LMBRD2: variants seen among roughly 807,000 people sequenced by gnomAD.
LMBRD2 encodes LMBR1 domain containing 2, also known as G protein-coupled receptor-associated protein LMBRD2.
In LMBRD2, 55 loss-of-function variants were observed where a neutral mutation model predicts 94.4. The ratio of observed to expected loss-of-function variants is 0.58; its 90% CI spans 0.47 to 0.73. The LOEUF (loss-of-function observed/expected upper bound fraction) is 0.73, where lower values mean the gene tolerates loss of function less well. Among genes scored for constraint, LMBRD2 ranks in the 30% least tolerant of loss-of-function variants. The pLI, the probability that LMBRD2 is intolerant of heterozygous loss-of-function variation, is 0.00. For synonymous variants in LMBRD2, 246 were observed against 272.4 expected, an observed-to-expected ratio of 0.90 and a Z score of 0.95; for missense variants, 640 against 831.9, an observed-to-expected ratio of 0.77 and a Z score of 2.84.
rs879761675 is a variant in LMBRD2, at chr5:36,099,432, A to T, written c.*4614T>A. On this transcript the variant is annotated 3_prime_UTR_variant, in exon 18 of 18. Coordinates refer to ENST00000296603, the MANE Select transcript of LMBRD2 (RefSeq NM_001007527.2). ...GTTTTCAAAATATGAACAAAAACAA[A>T]TCCATTGGATTGCTTTTAAAAAATA... 1.3e-5 allele frequency: 2 copies of T among 152,158 alleles called. No individual in the cohort carries two copies. The highest frequency in any genetic ancestry group is 4.8e-5 in the African/African-American group (2 of 41,458). 9.4% of individuals were successfully genotyped at this position (152,158 alleles called of 1,614,324 possible). A position where few individuals can be genotyped will look rare whatever the true frequency, so the allele number is the denominator to read the frequency against.
At position 36,134,825 on chromosome 5, in the gene LMBRD2, C is replaced by T. The variant is rs1392080338; in HGVS notation, c.747+1484G>A. On this transcript the variant is annotated intron_variant, in intron 6 of 17. Transcript: ENST00000296603. ...CAGCAGTCCTAGGAAGCTAATAAAGCTTCCCTGAAGAATTATCATTTATGT... is the reference window on the plus strand; with the variant it reads ...CAGCAGTCCTAGGAAGCTAATAAAGTTTCCCTGAAGAATTATCATTTATGT... Among the ~76,000 whole-genome samples, 3 of 152,120 alleles carry T rather than the reference C, an allele frequency of 2.0e-5. No individual in the cohort carries two copies. In the East Asian group the frequency reaches 5.8e-4, roughly 29 times the overall value.
chr5:36,144,321 T>C (rs1744487704), intron 1 of LMBRD2, among the ~76,000 whole-genome samples: 1 of 152,204 alleles, frequency 6.6e-6, no homozygotes, highest in Admixed American at 6.5e-5. Flanking sequence ...CTTTTGTTTA[T>C]CTACATACTA....
At chr5:36,149,984 T>C (rs1308095377) in intron 1 of LMBRD2, among the ~76,000 whole-genome samples, 2 of 152,200 alleles carry the variant, frequency 1.3e-5, no homozygotes, top group African/African-American at 4.8e-5. Context: ...TATGACCAGA[T>C]AGCAACCTCT....
At chr5:36,116,039 A>G (rs7726459) in intron 11 of LMBRD2, among the ~76,000 whole-genome samples, 1,538 of 152,300 alleles carry the variant, frequency 0.01, 24 homozygotes, top group African/African-American at 0.035. Context: ...ATCTTGCCCA[A>G]CTTGAAGACA....
chr5:36,148,469 T>C (rs1480948936), intron 1 of LMBRD2, among the ~76,000 whole-genome samples: 2 of 152,226 alleles, frequency 1.3e-5, no homozygotes, highest in African/African-American at 2.4e-5. Flanking sequence ...ATTTCATACA[T>C]AGAAATTGCA....
At chr5:36,117,204 A>C (rs555933043) in intron 10 of LMBRD2, among the ~76,000 whole-genome samples, 2 of 152,284 alleles carry the variant, frequency 1.3e-5, no homozygotes, top group East Asian at 3.9e-4. Flanking sequence ...GCATAAATAT[A>C]ATCAAAGTAT....
chr5:36,134,458 G>A (rs1207950329), intron 6 of LMBRD2, among the ~76,000 whole-genome samples: 1 of 152,060 alleles, frequency 6.6e-6, no homozygotes, highest in Admixed American at 6.6e-5. Flanking sequence ...ATCTTATTTG[G>A]AATAGGGTTG....
At position 36,109,983 on chromosome 5, in the gene LMBRD2, T is replaced by C. The variant is rs1283566804; in HGVS notation, c.1753A>G (p.Lys585Glu). ...TCACCTTCTTCTTGCCTTTGCCTTT[T>C]TCTCTTCTCTAAAGACAGAAAAATG... ...GKELIRKEKR[K>E]RQRQEEGENR... The change falls in exon 15 of 18, where the codon AAA becomes GAA. Residue 585 changes from lysine to glutamate, a missense_variant. By Grantham distance (56) the Lys-to-Glu change is moderately conservative. This residue lies in a region of LMBRD2 where 183 missense variants were observed against 189.1 expected (regional missense o/e 0.97). Coordinates refer to ENST00000296603, the MANE Select transcript of LMBRD2 (RefSeq NM_001007527.2). 10 of 1,608,120 alleles carry C rather than the reference T, an allele frequency of 6.2e-6. No homozygotes were observed. Among genetic ancestry groups the C allele is most frequent in the Non-Finnish European group, 8.5e-6 (10 of 1,175,374 alleles).
chr5:36,144,747 T>A (rs1425389518), intron 1 of LMBRD2, among the ~76,000 whole-genome samples: 1 of 152,034 alleles, frequency 6.6e-6, no homozygotes, highest in Non-Finnish European at 1.5e-5. Context: ...TCAACAAACA[T>A]CTTTAACTAA....
At chr5:36,117,206 T>A (rs978604948) in intron 10 of LMBRD2, among the ~76,000 whole-genome samples, 1 of 152,128 alleles carries the variant, frequency 6.6e-6, no homozygotes, top group Admixed American at 6.6e-5. Flanking sequence ...ATAAATATAA[T>A]CAAAGTATTC....
rs865780405 is a variant in LMBRD2, at chr5:36,100,954, T to C, written c.*3092A>G. ...TATGCTAATTTAATTTGGGCATACA[T>C]GCAGCTTAAATTTCAGAACTGATCA... On this transcript the variant is annotated 3_prime_UTR_variant, in exon 18 of 18. Coordinates refer to ENST00000296603, the MANE Select transcript of LMBRD2 (RefSeq NM_001007527.2). The C allele has an allele frequency of 2.0e-5, 3 of 152,068 alleles. No homozygotes were observed. Among genetic ancestry groups the C allele is most frequent in the Non-Finnish European group, 4.4e-5 (3 of 67,956 alleles). 9.4% of individuals were successfully genotyped at this position (152,068 alleles called of 1,614,324 possible). A position where few individuals can be genotyped will look rare whatever the true frequency, so the allele number is the denominator to read the frequency against.
Position 36,116,558 on chromosome 5 carries a change from G to A in LMBRD2, c.1338C>T (p.Ile446=), listed in dbSNP as rs773164811. The stretch of plus-strand genomic sequence containing the variant: ...TCCTGAACACAGTAGAATAAACACA[G>A]ATACTTAGGAAGAAGATGGAAAGGA... ...ACFLSIFFLS[I]CVYSTVFRIR... Residue 446 remains isoleucine, a synonymous_variant, in exon 11 of 18, where the codon ATC becomes ATT. Coordinates refer to ENST00000296603, the MANE Select transcript of LMBRD2 (RefSeq NM_001007527.2). The A allele has an allele frequency of 6.2e-7, 1 of 1,612,622 alleles. No homozygotes were observed. Among genetic ancestry groups the A allele is most frequent in the South Asian group, 1.1e-5 (1 of 90,590 alleles).
chr5:36,104,213 G>A (rs186022235), intron 17 of LMBRD2, 107 bp from the exon 18 acceptor site: 13 of 813,746 alleles, frequency 1.6e-5, no homozygotes, highest in Admixed American at 2.1e-5. Context: ...TGTAAGTACT[G>A]TAAAATCTAG....
intron 6 of LMBRD2, among the ~76,000 whole-genome samples, chr5:36,126,669 G>C (rs1744014802): frequency 6.6e-6 from 1 of 152,132 alleles, no homozygotes; most frequent in Non-Finnish European, 1.5e-5. Context: ...TAGTTTATAA[G>C]TTTTATTAAT....
chr5:36,112,915 A>G lies in LMBRD2; in HGVS notation c.1640+1509T>C, dbSNP rs1743646474. On this transcript the variant is annotated intron_variant, in intron 13 of 17. Transcript: ENST00000296603. ...AGTTTTAGGCACACAAAGTATGACT[A>G]GTCTCTTCTTTTAATACATCATTTT... 2.0e-5 allele frequency among the ~76,000 whole-genome samples: 3 copies of G among 152,214 alleles called. 1 individual carries two copies. The South Asian group carries it at 6.2e-4, about 32-fold the overall frequency.
At chr5:36,128,017 T>C (rs948408470) in intron 6 of LMBRD2, among the ~76,000 whole-genome samples, 1 of 152,084 alleles carries the variant, frequency 6.6e-6, no homozygotes, top group Admixed American at 6.5e-5. Flanking sequence ...CAGGGGTGCT[T>C]GAGACACCCC....
Position 36,143,879 on chromosome 5 carries a change from C to A in LMBRD2, c.-57-473G>T, listed in dbSNP as rs567670061. Among the ~76,000 whole-genome samples the A allele has an allele frequency of 6.6e-5, 10 of 151,846 alleles. No homozygotes were observed. In the East Asian group the frequency reaches 1.4e-3, roughly 21 times the overall value. The stretch of plus-strand genomic sequence containing the variant: ...TTTCTAAAAGAGAGGAAGGAAAAAA[C>A]GGAAAGAGACCATTTAAAAGTAACC... On this transcript the variant is annotated intron_variant, in intron 1 of 17. Coordinates refer to ENST00000296603, the MANE Select transcript of LMBRD2 (RefSeq NM_001007527.2).
intron 17 of LMBRD2, 106 bp downstream of exon 17, chr5:36,104,962 C>T (rs1391428967): frequency 3.1e-5 from 33 of 1,073,682 alleles, no homozygotes; most frequent in Non-Finnish European, 4.1e-5. Flanking sequence ...TTACTTATCA[C>T]TTGTTTACTT....
At chr5:36,104,974 C>T in intron 17 of LMBRD2, 94 bp downstream of exon 17, 1 of 1,202,322 alleles carries the variant, frequency 8.3e-7, no homozygotes, top group South Asian at 1.7e-5. Flanking sequence ...TGTTTACTTT[C>T]ACCTTTACTT....
Sources: gnomAD v4.1 joint callset for allele counts (sites outside exome capture counted in the v4.1 genomes callset) on GRCh38, gnomAD v4.1.1 for gene constraint, gnomAD v4.1.1 regional missense constraint, MANE v1.5 for transcripts, NCBI Gene and HGNC (gene_info 2026-07-23, HGNC 2026-07-21) for gene names.